The following CADPS variants were observed in gnomAD, a reference collection of about 807,000 sequenced individuals.
CADPS encodes the protein calcium-dependent secretion activator 1.
CADPS carries 57 observed loss-of-function variants against 167.3 expected under a neutral mutation model. The ratio of observed to expected loss-of-function variants is 0.34; its 90% CI spans 0.28 to 0.42. The LOEUF (loss-of-function observed/expected upper bound fraction) is 0.42, where lower values mean the gene tolerates loss of function less well. Ranked by LOEUF, CADPS falls within the 20% of genes least tolerant of loss-of-function variation. CADPS has a pLI of 1.00. For missense variants in CADPS, 1,414 were observed against 1,738.1 expected (o/e 0.81, Z 3.32); for synonymous variants, 676 against 635.3 (o/e 1.06, Z -0.96).
chr3:62,503,843 T>C (rs892807255), intron 17 of CADPS, among the ~76,000 whole-genome samples: 5 of 152,214 alleles, frequency 3.3e-5, no homozygotes, highest in Non-Finnish European at 5.9e-5. Context: ...CACAGAGCAC[T>C]ATCAGCTTCT....
rs546136397 is a variant in CADPS at position 62,799,830 on chromosome 3, T to C, written c.442-33846A>G. ...CACCATCACAGTTGGAAAGTGATTATCCATGATATTTCTACATTTCTTTGA... is the reference window on the plus strand; with the variant it reads ...CACCATCACAGTTGGAAAGTGATTACCCATGATATTTCTACATTTCTTTGA... On this transcript the variant is annotated intron_variant, in intron 1 of 29. Coordinates refer to ENST00000383710, the MANE Select transcript of CADPS (RefSeq NM_003716.4). Among the ~76,000 whole-genome samples, 17 of 152,286 alleles carry C rather than the reference T, an allele frequency of 1.1e-4. No individual in the cohort carries two copies. In the South Asian group the frequency reaches 2.5e-3, roughly 22 times the overall value.
chr3:62,411,177 A>T (rs2048889497), intron 28 of CADPS, among the ~76,000 whole-genome samples: 1 of 152,184 alleles, frequency 6.6e-6, no homozygotes, highest in Non-Finnish European at 1.5e-5. Context: ...TGCCTGAGCA[A>T]GCAGGCAATT....
chr3:62,845,817 T>C (rs139054624), intron 1 of CADPS, among the ~76,000 whole-genome samples: 651 of 152,322 alleles, frequency 4.3e-3, no homozygotes, highest in Non-Finnish European at 6.6e-3. Context: ...CCATTTGACA[T>C]GTGGCATGCT....
At position 62,620,075 on chromosome 3, in the gene CADPS, ATT is replaced by A. The variant is rs562643759; in HGVS notation, c.1325+25645_1325+25646del. On this transcript the variant is annotated intron_variant, in intron 6 of 29. Transcript: ENST00000383710. ...ATTCATTATTTATTGGGTGCTATTG[ATT>A]TTTTTTTTTAACTCTTGGGAAACAG... 3.1e-3 allele frequency among the ~76,000 whole-genome samples: 461 copies of A among 147,582 alleles called. 3 individuals carry two copies. Among genetic ancestry groups the A allele is most frequent in the African/African-American group, 0.011 (433 of 40,412 alleles).
chr3:62,635,940 G>C (rs111513120), intron 6 of CADPS, among the ~76,000 whole-genome samples: 1 of 152,070 alleles, frequency 6.6e-6, no homozygotes, highest in Non-Finnish European at 1.5e-5. Context: ...GTACAAGTAA[G>C]GGATCTACAT....
intron 21 of CADPS, among the ~76,000 whole-genome samples, chr3:62,490,978 C>T (rs539933720): frequency 2.7e-4 from 41 of 152,172 alleles, no homozygotes; most frequent in Non-Finnish European, 4.6e-4. Flanking sequence ...CTGCCTAGAA[C>T]CCCACCGAAC....
At chr3:62,430,783 C>T (rs1191219927) in intron 28 of CADPS, among the ~76,000 whole-genome samples, 1 of 152,054 alleles carries the variant, frequency 6.6e-6, no homozygotes, top group Admixed American at 6.6e-5. Context: ...TGATGGGTTT[C>T]TCATTTCCCT....
chr3:62,511,422 G>A (rs748651575), intron 17 of CADPS, among the ~76,000 whole-genome samples: 1 of 151,974 alleles, frequency 6.6e-6, no homozygotes, highest in Non-Finnish European at 1.5e-5. Flanking sequence ...CTGTGCCTCC[G>A]TTTGCTCATC....
chr3:62,508,906 A>G (rs2067186678), intron 17 of CADPS, among the ~76,000 whole-genome samples: 1 of 152,030 alleles, frequency 6.6e-6, no homozygotes, highest in Non-Finnish European at 1.5e-5. Context: ...TGTTTAAAAC[A>G]TGTTTCTCTT....
chr3:62,741,325 A>C (rs1321309216), intron 3 of CADPS, among the ~76,000 whole-genome samples: 1 of 152,184 alleles, frequency 6.6e-6, no homozygotes, highest in African/African-American at 2.4e-5. Flanking sequence ...TAGCAAAAAA[A>C]GAAAACTTCA....
intron 3 of CADPS, among the ~76,000 whole-genome samples, chr3:62,668,834 G>T (rs143364362): frequency 6.6e-6 from 1 of 152,280 alleles, no homozygotes; most frequent in African/African-American, 2.4e-5. Flanking sequence ...ATGACTGCCT[G>T]ACTAGCTACA....
At position 62,765,917 on chromosome 3, in the gene CADPS, A is replaced by G; in HGVS notation, c.509T>C (p.Ile170Thr). 1 of 1,613,522 alleles carries G rather than the reference A, an allele frequency of 6.2e-7. No homozygotes were observed. Residue 170 changes from isoleucine (I) to threonine (T), a missense_variant, in exon 2 of 30, where the codon ATC (isoleucine) becomes ACC (threonine). Ile to Thr is a moderately conservative substitution (Grantham distance 89, BLOSUM62 -1). Around this residue, in one of 6 missense-constraint regions of CADPS, gnomAD observed 522 missense variants for 559.5 expected, o/e 0.93. Transcript: ENST00000383710. The stretch of plus-strand genomic sequence containing the variant: ...GTTCATGAAGGCTTCGTCAGCCATG[A>G]TCTGGGTTTCCCCATTGAGGAAAGC... ...FQAFLNGETQ[I>T]MADEAFMNAV...
chr3:62,570,838 A>G (rs770734773), intron 9 of CADPS, 34 bp downstream of exon 9: 42 of 1,376,912 alleles, frequency 3.1e-5, no homozygotes, highest in Non-Finnish European at 2.6e-5. Flanking sequence ...AATCTTTAAT[A>G]CTGATGTCTC....
chr3:62,478,198 C>T lies in CADPS; in HGVS notation c.3329+63G>A. 2 of 1,561,386 alleles carry T rather than the reference C, an allele frequency of 1.3e-6. No homozygotes were observed. The highest frequency in any genetic ancestry group is 1.8e-6 in the Non-Finnish European group (2 of 1,136,976). ...GCCAATTGAAAGAGCAGCCATCTACCCTTCCCTGAGTCTGTGTATGGTGGG... is the reference window on the plus strand; with the variant it reads ...GCCAATTGAAAGAGCAGCCATCTACTCTTCCCTGAGTCTGTGTATGGTGGG... On this transcript the variant is annotated intron_variant, in intron 23 of 29. Coordinates refer to ENST00000383710, the MANE Select transcript of CADPS (RefSeq NM_003716.4). This position sits in a 1 kb window ranked among gnomAD's most constrained non-coding sequence, Gnocchi z 5.7.
At chr3:62,721,053 G>T (rs762196754) in intron 3 of CADPS, among the ~76,000 whole-genome samples, 1 of 147,904 alleles carries the variant, frequency 6.8e-6, no homozygotes, top group African/African-American at 2.5e-5. Flanking sequence ...TCCTGACCTC[G>T]TGATCTGCCT....
chr3:62,694,810 G>T (rs566119978), intron 3 of CADPS, among the ~76,000 whole-genome samples: 1 of 152,184 alleles, frequency 6.6e-6, no homozygotes, highest in East Asian at 1.9e-4. Flanking sequence ...GTTTACTGAA[G>T]ACTCAGTTAT....
intron 3 of CADPS, among the ~76,000 whole-genome samples, chr3:62,669,597 C>A (rs1235944765): frequency 6.6e-6 from 1 of 152,178 alleles, no homozygotes; most frequent in Non-Finnish European, 1.5e-5. Flanking sequence ...AGCAGGTGCC[C>A]CCACTCCACT....
At chr3:62,517,271 C>T (rs1194834555) in intron 14 of CADPS, among the ~76,000 whole-genome samples, 1 of 152,104 alleles carries the variant, frequency 6.6e-6, no homozygotes, top group Non-Finnish European at 1.5e-5. Flanking sequence ...GTCACTGGCC[C>T]GTCAGAACAC....
intron 26 of CADPS, among the ~76,000 whole-genome samples, chr3:62,447,216 G>C (rs2057354113): frequency 6.6e-6 from 1 of 152,210 alleles, no homozygotes; most frequent in Non-Finnish European, 1.5e-5. Flanking sequence ...TGACAATACT[G>C]TGTACTTTGC....
Sources: allele counts gnomAD v4.1 joint callset (sites outside exome capture counted in the v4.1 genomes callset), GRCh38; gene constraint gnomAD v4.1.1; regional missense constraint gnomAD v4.1.1; non-coding constraint Gnocchi (gnomAD v3.1); transcripts MANE v1.5; gene names NCBI Gene and HGNC (gene_info 2026-07-23, HGNC 2026-07-21).